WWOX: variants seen among roughly 807,000 people sequenced by gnomAD.
WWOX encodes the protein WW domain-containing oxidoreductase.
Under a neutral mutation model 46.2 loss-of-function variants are expected in WWOX, and 69 were observed. That is an observed-to-expected ratio of 1.49 (90% CI 1.23 to 1.82). The LOEUF (loss-of-function observed/expected upper bound fraction) is 1.82, where lower values mean the gene tolerates loss of function less well. Among genes scored for constraint, WWOX ranks in the 40% most tolerant of loss-of-function variants. The pLI is 0.00. For missense variants in WWOX, 919 were observed against 542.6 expected (o/e 1.69, Z -6.89); for synonymous variants, 359 against 202.6 (o/e 1.77, Z -6.56).
intron 8 of WWOX, among the ~76,000 whole-genome samples, chr16:78,899,957 T>C (rs551992784): frequency 6.6e-6 from 1 of 152,122 alleles, no homozygotes. Flanking sequence ...TTGGTACTAA[T>C]TAAGCCTTGA....
At chr16:78,616,281 C>T (rs1477148705) in intron 8 of WWOX, among the ~76,000 whole-genome samples, 1 of 151,876 alleles carries the variant, frequency 6.6e-6, no homozygotes. Flanking sequence ...GCTGCTATAA[C>T]AAAATGCCAT....
rs187399672 is a variant in WWOX, at chr16:79,168,302, C to G, written c.1057-43306C>G. Reference sequence around the variant, plus strand: ...TAGGTTTAACTTTTTGATGAACTGACAAACTGCTATCCACAGTGGCTGCCT... The same window carrying G: ...TAGGTTTAACTTTTTGATGAACTGAGAAACTGCTATCCACAGTGGCTGCCT... On this transcript the variant is annotated intron_variant, in intron 8 of 8. Transcript: ENST00000566780. 1.6e-4 allele frequency among the ~76,000 whole-genome samples: 25 copies of G among 152,298 alleles called. No homozygotes were observed. The East Asian group carries it at 4.8e-3, about 29-fold the overall frequency.
intron 8 of WWOX, among the ~76,000 whole-genome samples, chr16:78,495,690 G>A (rs1203930372): frequency 2.0e-5 from 3 of 151,686 alleles, no homozygotes; most frequent in Non-Finnish European, 2.9e-5. Context: ...TGTATTTTTA[G>A]TAGAGCCGGG....
At chr16:78,483,345 C>T (rs1166247780) in intron 8 of WWOX, among the ~76,000 whole-genome samples, 1 of 151,488 alleles carries the variant, frequency 6.6e-6, no homozygotes, top group South Asian at 2.1e-4. Flanking sequence ...AAAAGTCTCC[C>T]GTCTGCAGAA....
At chr16:78,779,998 A>G (rs537463008) in intron 8 of WWOX, among the ~76,000 whole-genome samples, 20 of 152,316 alleles carry the variant, frequency 1.3e-4, no homozygotes, top group South Asian at 8.3e-4. Context: ...TTCTGTGTCA[A>G]CATCTCTGGA....
At chr16:79,074,118 C>G (rs1473178439) in intron 8 of WWOX, among the ~76,000 whole-genome samples, 2 of 152,056 alleles carry the variant, frequency 1.3e-5, no homozygotes, top group Non-Finnish European at 2.9e-5. Flanking sequence ...TACCGGCTGA[C>G]TAGAATGTTG....
At chr16:78,625,306 G>T (rs1236570857) in intron 8 of WWOX, among the ~76,000 whole-genome samples, 1 of 152,164 alleles carries the variant, frequency 6.6e-6, no homozygotes, top group Non-Finnish European at 1.5e-5. Context: ...CACTAAAGGG[G>T]AGGAATCCCT....
chr16:78,490,247 C>T (rs1405097519), intron 8 of WWOX, among the ~76,000 whole-genome samples: 1 of 151,562 alleles, frequency 6.6e-6, no homozygotes, highest in East Asian at 1.9e-4. Context: ...CCATGATCAT[C>T]AACCAAGCAC....
intron 8 of WWOX, among the ~76,000 whole-genome samples, chr16:78,507,727 G>A (rs1231341003): frequency 6.6e-6 from 1 of 152,052 alleles, no homozygotes; most frequent in Non-Finnish European, 1.5e-5. Flanking sequence ...TTATAATATG[G>A]TAGAGGAGGA....
chr16:78,776,966 G>A (rs2050206537), intron 8 of WWOX, among the ~76,000 whole-genome samples: 1 of 152,176 alleles, frequency 6.6e-6, no homozygotes, highest in South Asian at 2.1e-4. Flanking sequence ...TGAGATTTGG[G>A]TGGGGACACA....
chr16:79,075,436 AT>A (rs1444484613), intron 8 of WWOX, among the ~76,000 whole-genome samples: 2 of 152,044 alleles, frequency 1.3e-5, no homozygotes, highest in Non-Finnish European at 2.9e-5. Context: ...CTAAGTTTTT[AT>A]TTACAATATA....
intron 4 of WWOX, among the ~76,000 whole-genome samples, chr16:78,120,405 C>G (rs7189511): frequency 0.14 from 20,665 of 151,870 alleles, 1,637 homozygotes; most frequent in East Asian, 0.22. Context: ...CCCGTCTCTA[C>G]TAAAAATACA....
intron 8 of WWOX, among the ~76,000 whole-genome samples, chr16:78,466,414 G>T (rs776974699): frequency 6.6e-6 from 1 of 152,188 alleles, no homozygotes; most frequent in Non-Finnish European, 1.5e-5. Flanking sequence ...TGTACTAAAT[G>T]ACACTAAATT....
chr16:79,002,669 C>T (rs563236717), intron 8 of WWOX, among the ~76,000 whole-genome samples: 6 of 152,176 alleles, frequency 3.9e-5, no homozygotes, highest in African/African-American at 1.4e-4. Context: ...CTGATTTAAT[C>T]TTCACAAGCA....
At position 78,756,802 on chromosome 16, in the gene WWOX, C is replaced by T. The variant is rs546091773; in HGVS notation, c.1056+324050C>T. ...TCAGTTCTTGGTAGCCATGTCTCAG[C>T]ATAGTCTTCTCGGACACCTAATACT... On this transcript the variant is annotated intron_variant, in intron 8 of 8. Coordinates refer to ENST00000566780, the MANE Select transcript of WWOX (RefSeq NM_016373.4). 2.2e-5 allele frequency: 12 copies of T among 550,542 alleles called. No individual in the cohort carries two copies. The East Asian group carries it at 3.1e-4, about 14-fold the overall frequency. 34.1% of individuals were successfully genotyped at this position (550,542 alleles called of 1,614,324 possible).
intron 8 of WWOX, among the ~76,000 whole-genome samples, chr16:78,924,989 G>A (rs372254811): frequency 1.8e-3 from 269 of 152,236 alleles, no homozygotes; most frequent in African/African-American, 5.4e-3. Flanking sequence ...GAGCTCAGGC[G>A]TTCAAGACCA....
chr16:78,158,810 T>A (rs1239699899), intron 4 of WWOX, among the ~76,000 whole-genome samples: 1 of 152,190 alleles, frequency 6.6e-6, no homozygotes, highest in Admixed American at 6.5e-5. Context: ...TATATACCTG[T>A]GAAACCATTA....
At chr16:78,446,005 T>C (rs1444204814) in intron 8 of WWOX, among the ~76,000 whole-genome samples, 1 of 152,238 alleles carries the variant, frequency 6.6e-6, no homozygotes, top group East Asian at 1.9e-4. Context: ...GTCAAATGCG[T>C]AGCTGGCTGT....
chr16:78,199,245 G>C (rs758284975), intron 5 of WWOX, among the ~76,000 whole-genome samples: 20 of 152,016 alleles, frequency 1.3e-4, no homozygotes, highest in Non-Finnish European at 1.6e-4. Context: ...CCCAGGAGGC[G>C]GAGGTTGCAG....
Sources: allele counts gnomAD v4.1 joint callset (sites outside exome capture counted in the v4.1 genomes callset), GRCh38; gene constraint gnomAD v4.1.1; transcripts MANE v1.5; gene names NCBI Gene and HGNC (gene_info 2026-07-23, HGNC 2026-07-21).